Variants in DIP2C observed in about 807,000 individuals in gnomAD.
DIP2C encodes DIP2 acetate--CoA ligase C (putative), also known as disco-interacting protein 2 homolog C.
Under a neutral mutation model 192.4 loss-of-function variants are expected in DIP2C, and 33 were observed. The observed-to-expected ratio is 0.17, with a 90% CI of 0.13 to 0.23. The LOEUF is 0.23. Ranked by LOEUF, DIP2C falls within the 10% of genes least tolerant of loss-of-function variation. The pLI, the probability that DIP2C is intolerant of heterozygous loss-of-function variation, is 1.00. For missense variants in DIP2C, 1,537 were observed against 2,110.1 expected (o/e 0.73, Z 5.32); for synonymous variants, 979 against 864.1 (o/e 1.13, Z -2.33).
chr10:351,748 A>C (rs1461855291), intron 24 of DIP2C, among the ~76,000 whole-genome samples: 2 of 152,136 alleles, frequency 1.3e-5, no homozygotes, highest in Admixed American at 6.5e-5. Context: ...TTGAAACTGG[A>C]CTGTTCCTCT....
intron 1 of DIP2C, among the ~76,000 whole-genome samples, chr10:619,832 G>A (rs192175668): frequency 4.3e-4 from 66 of 152,240 alleles, no homozygotes; most frequent in African/African-American, 1.4e-3. Context: ...GGCAGCTCCC[G>A]TGTTGGGAGG....
At position 327,136 on chromosome 10, in the gene DIP2C, A is replaced by G; in HGVS notation, c.3794T>C (p.Val1265Ala). ...LDLSRVRTCV[V>A]VAEERPRIAL... The stretch of plus-strand genomic sequence containing the variant: ...GATCCGAGGCCTCTCTTCCGCCACA[A>G]CCACGCAGGTCCTCACTCGGGACAA... Residue 1265 changes from valine (V) to alanine (A), a missense_variant, in exon 31 of 37, where the codon GTT becomes GCT. Physicochemically the swap from Val to Ala is moderately conservative, Grantham distance 64 (BLOSUM62 0). This residue lies in a region of DIP2C where 341 missense variants were observed against 551.7 expected (regional missense o/e 0.62). Coordinates refer to ENST00000280886, the MANE Select transcript of DIP2C (RefSeq NM_014974.3). 6.2e-7 allele frequency: 1 copy of G among 1,614,084 alleles called. No individual in the cohort carries two copies. Among genetic ancestry groups the G allele is most frequent in the Non-Finnish European group, 8.5e-7 (1 of 1,180,028 alleles).
intron 32 of DIP2C, among the ~76,000 whole-genome samples, chr10:289,936 C>T (rs1955399619): frequency 1.3e-5 from 2 of 152,232 alleles, no homozygotes; most frequent in African/African-American, 4.8e-5. Flanking sequence ...TCTCCTCTGG[C>T]TGTTGAGTGA....
intron 1 of DIP2C, among the ~76,000 whole-genome samples, chr10:560,630 A>G (rs1236076255): frequency 6.6e-6 from 1 of 152,246 alleles, no homozygotes; most frequent in African/African-American, 2.4e-5. Flanking sequence ...TGACTTTCAA[A>G]TTAATCTGCT....
chr10:619,006 TTC>T (rs1347283632), intron 1 of DIP2C, among the ~76,000 whole-genome samples: 1 of 152,226 alleles, frequency 6.6e-6, no homozygotes, highest in Admixed American at 6.5e-5. Context: ...CCTCACTGTG[TTC>T]TGACTGTGGC....
intron 2 of DIP2C, chr10:484,656 G>T (rs1843863522): frequency 2.2e-6 from 3 of 1,353,286 alleles, no homozygotes; most frequent in Non-Finnish European, 2.0e-6. Flanking sequence ...TGGCTCACTG[G>T]AGAATGGGAC....
At chr10:527,125 C>T (rs1023541966) in intron 1 of DIP2C, among the ~76,000 whole-genome samples, 11 of 152,300 alleles carry the variant, frequency 7.2e-5, no homozygotes, top group Admixed American at 2.6e-4. Flanking sequence ...CTGGATTCTC[C>T]GACGCCTGCA....
intron 1 of DIP2C, among the ~76,000 whole-genome samples, chr10:620,412 C>T (rs1185269432): frequency 1.3e-5 from 2 of 152,114 alleles, no homozygotes; most frequent in African/African-American, 2.4e-5. Context: ...TCAAAGAAAA[C>T]GGCACACGGA....
chr10:576,638 G>C (rs1165554437), intron 1 of DIP2C, among the ~76,000 whole-genome samples: 1 of 152,202 alleles, frequency 6.6e-6, no homozygotes, highest in Non-Finnish European at 1.5e-5. Flanking sequence ...GCCAGGGATG[G>C]TGGCTCAGAC....
At chr10:341,608 C>T (rs1297721663) in intron 28 of DIP2C, among the ~76,000 whole-genome samples, 3 of 152,220 alleles carry the variant, frequency 2.0e-5, no homozygotes, top group Non-Finnish European at 4.4e-5. Context: ...CAATACGGGG[C>T]TGCACTGAAT....
At chr10:307,125 G>T (rs995119015) in intron 32 of DIP2C, among the ~76,000 whole-genome samples, 5 of 152,196 alleles carry the variant, frequency 3.3e-5, no homozygotes, top group African/African-American at 9.7e-5. Flanking sequence ...CCTGAAGCCT[G>T]ACCAGAGGCA....
At chr10:578,397 A>G (rs936169289) in intron 1 of DIP2C, among the ~76,000 whole-genome samples, 5 of 152,232 alleles carry the variant, frequency 3.3e-5, no homozygotes, top group East Asian at 1.9e-4. Context: ...AAGTTGTGAT[A>G]TGGAAAGCTA....
rs185835811 is a variant in DIP2C, at chr10:350,617, C to T, written c.2986-1163G>A. ...ACTGCAGAGCCGAAGAGTGACTGAA[C>T]ACCCGGGCTCAGGAATTTTTTTTTT... On this transcript the variant is annotated intron_variant, in intron 24 of 36. Transcript: ENST00000280886. Among the ~76,000 whole-genome samples, 37 of 146,028 alleles carry T rather than the reference C, an allele frequency of 2.5e-4. No homozygotes were observed. In the East Asian group the frequency reaches 6.8e-3, roughly 27 times the overall value.
chr10:334,317 A>AAAAAG (rs1554821643), intron 29 of DIP2C, among the ~76,000 whole-genome samples: 1 of 151,296 alleles, frequency 6.6e-6, no homozygotes, highest in African/African-American at 2.4e-5. Flanking sequence ...AAAAAAAAAA[A>AAAAAG]AAAAAAAAGA....
intron 1 of DIP2C, among the ~76,000 whole-genome samples, chr10:622,376 A>AAGGTGGAGGGAGGGAGG (rs1853924921): frequency 5.0e-5 from 1 of 19,906 alleles, no homozygotes; most frequent in African/African-American, 2.1e-4. Flanking sequence ...GGGAGAGAAG[A>AAGGTGGAGGGAGGGAGG]AGGGGGAGGG....
intron 1 of DIP2C, among the ~76,000 whole-genome samples, chr10:576,923 A>G (rs1324065764): frequency 6.6e-6 from 1 of 152,076 alleles, no homozygotes; most frequent in Non-Finnish European, 1.5e-5. Flanking sequence ...GTCTAATAAA[A>G]AAAAAAATAA....
At chr10:436,394 C>T (rs1967202248) in intron 4 of DIP2C, among the ~76,000 whole-genome samples, 1 of 152,250 alleles carries the variant, frequency 6.6e-6, no homozygotes, top group East Asian at 1.9e-4. Flanking sequence ...GATTGATTTG[C>T]TGCTGGTGTG....
At position 426,756 on chromosome 10, in the gene DIP2C, A is replaced by AG. The variant is rs1966622688; in HGVS notation, c.395-3724dup. Among the ~76,000 whole-genome samples the AG allele has an allele frequency of 2.0e-5, 3 of 152,224 alleles. No homozygotes were observed. In the South Asian group the frequency reaches 6.2e-4, roughly 32 times the overall value. The stretch of plus-strand genomic sequence containing the variant: ...CAAGACAATTCAGTAAGAGAAAGGT[A>AG]GTATTTTTTTCAACAAATGTTGCTG... On this transcript the variant is annotated intron_variant, in intron 4 of 36. Transcript: ENST00000280886.
intron 4 of DIP2C, among the ~76,000 whole-genome samples, chr10:436,031 T>C (rs1967158722): frequency 6.6e-6 from 1 of 152,206 alleles, no homozygotes; most frequent in South Asian, 2.1e-4. Context: ...ATGCTCATAC[T>C]ATACTTTCAA....
Sources: gnomAD v4.1 joint callset for allele counts (sites outside exome capture counted in the v4.1 genomes callset) on GRCh38, gnomAD v4.1.1 for gene constraint, gnomAD v4.1.1 regional missense constraint, MANE v1.5 for transcripts, NCBI Gene and HGNC (gene_info 2026-07-23, HGNC 2026-07-21) for gene names.